The following ESR1 variants were observed in gnomAD, a reference collection of about 807,000 sequenced individuals.
ESR1 encodes estrogen receptor.
Under a neutral mutation model 52.7 loss-of-function variants are expected in ESR1, and 12 were observed. The ratio of observed to expected loss-of-function variants is 0.23; its 90% CI spans 0.15 to 0.37. ESR1 has a LOEUF of 0.37. ESR1 is among the 10% of genes least tolerant of loss of function. The pLI, the probability that ESR1 is intolerant of heterozygous loss-of-function variation, is 1.00. For synonymous variants in ESR1, 305 were observed against 316.8 expected, an observed-to-expected ratio of 0.96 and a Z score of 0.39; for missense variants, 584 against 779.7, an observed-to-expected ratio of 0.75 and a Z score of 2.99.
Position 152,008,102 on chromosome 6 carries a change from C to T in ESR1, c.1097-3554C>T, listed in dbSNP as rs377452447. ...AGGCATCTCATGGATATTTATTCCA[C>T]GCTGAAAAGGTAGTTAGATGCTGTG... On this transcript the variant is annotated intron_variant, in intron 4 of 7. Coordinates refer to ENST00000206249, the MANE Select transcript of ESR1 (RefSeq NM_000125.4). 7.2e-5 allele frequency among the ~76,000 whole-genome samples: 11 copies of T among 152,152 alleles called. 1 individual carries two copies. The South Asian group carries it at 1.2e-3, about 17-fold the overall frequency.
chr6:152,021,684 C>T (rs896851836), intron 5 of ESR1, among the ~76,000 whole-genome samples: 2 of 152,104 alleles, frequency 1.3e-5, no homozygotes, highest in Admixed American at 6.5e-5. Context: ...TATGGTTTGG[C>T]TGTGTCCTCA....
rs2047543189 is a variant in ESR1 at position 152,061,539 on chromosome 6, A to G, written c.1369+415A>G. Among the ~76,000 whole-genome samples, 2 of 152,308 alleles carry G rather than the reference A, an allele frequency of 1.3e-5. No individual in the cohort carries two copies. The highest frequency in any genetic ancestry group is 1.9e-4 in the East Asian group (1 of 5,194). On this transcript the variant is annotated intron_variant, in intron 6 of 7. Transcript: ENST00000206249. The surrounding 1 kb of genome is among the most constrained non-coding windows in gnomAD (Gnocchi z 4.3). ...GAAAGAGGGTTATTTGAGACAGACC[A>G]TGTTTCTGGTCAAAACTGACTAGCT...
chr6:151,674,375 G>A (rs941502294), intron 1 of ESR1, among the ~76,000 whole-genome samples: 1 of 152,112 alleles, frequency 6.6e-6, no homozygotes, highest in African/African-American at 2.4e-5. Context: ...TCTTTTTTAT[G>A]GTTGCATAGT....
chr6:152,024,497 A>G (rs2043955039), intron 5 of ESR1, among the ~76,000 whole-genome samples: 1 of 151,750 alleles, frequency 6.6e-6, no homozygotes, highest in African/African-American at 2.4e-5. Context: ...TTAAGTCTTC[A>G]TATCTAAGAC....
At chr6:151,980,107 G>A (rs987782064) in intron 4 of ESR1, among the ~76,000 whole-genome samples, 1 of 152,136 alleles carries the variant, frequency 6.6e-6, no homozygotes, top group Non-Finnish European at 1.5e-5. Flanking sequence ...TTTTCAAAAA[G>A]ATTCTTAGGG....
rs186836377 is a variant in ESR1 at position 151,778,474 on chromosome 6, C to T, written c.-70-29369C>T. On this transcript the variant is annotated intron_variant, in intron 2 of 2. Transcript: ENST00000404742. ...AGGCTGGATGGCGGTGGCATGATCT[C>T]GGCTCATTGCAACCTCCACCTCCCA... is the stretch of plus-strand genomic sequence containing the variant. Among the ~76,000 whole-genome samples, 56 of 150,294 alleles carry T rather than the reference C, an allele frequency of 3.7e-4. 1 individual carries two copies. Among genetic ancestry groups the T allele is most frequent in the Admixed American group, 2.4e-3 (36 of 15,086 alleles).
Position 152,083,287 on chromosome 6 carries a change from A to G in ESR1, c.1370-11098A>G, listed in dbSNP as rs1208669174. 3.9e-5 allele frequency among the ~76,000 whole-genome samples: 6 copies of G among 152,250 alleles called. No individual in the cohort carries two copies. The East Asian group carries it at 1.2e-3, about 29-fold the overall frequency. ...TAGATATATAGACTAATGGAACAGA[A>G]CAGAGGCCTCAGAAATGACACCACA... On this transcript the variant is annotated intron_variant, in intron 6 of 7. Transcript: ENST00000206249.
intron 1 of ESR1, chr6:151,809,262 A>G (rs747119812): frequency 7.4e-6 from 3 of 407,776 alleles, no homozygotes. Flanking sequence ...TTGTGACTTC[A>G]ATGGCGAAGG....
chr6:151,899,140 T>C (rs1584055052), intron 3 of ESR1, among the ~76,000 whole-genome samples: 1 of 118,290 alleles, frequency 8.5e-6, no homozygotes, highest in Non-Finnish European at 1.7e-5. Context: ...CCCCCCCGCC[T>C]CCCTCCCGGA....
At chr6:151,943,407 A>C (rs2035335153) in intron 3 of ESR1, among the ~76,000 whole-genome samples, 1 of 107,622 alleles carries the variant, frequency 9.3e-6, no homozygotes, top group East Asian at 2.4e-4. Flanking sequence ...AAACAAAAAC[A>C]AAAAAAAAAC....
intron 6 of ESR1, among the ~76,000 whole-genome samples, chr6:152,109,022 G>T (rs2051099892): frequency 6.6e-6 from 1 of 152,168 alleles, no homozygotes; most frequent in Non-Finnish European, 1.5e-5. Context: ...AGGTGAAGGG[G>T]AAGCAAGGAC....
intron 2 of ESR1, among the ~76,000 whole-genome samples, chr6:151,876,873 G>T (rs181854393): frequency 5.3e-4 from 80 of 152,050 alleles, no homozygotes; most frequent in African/African-American, 1.8e-3. Flanking sequence ...ATCACATCGT[G>T]GCTTTGGCCC....
chr6:151,698,906 C>T (rs1379927252), intron 1 of ESR1, among the ~76,000 whole-genome samples: 2 of 152,118 alleles, frequency 1.3e-5, no homozygotes, highest in Non-Finnish European at 2.9e-5. Context: ...TCCTCCGGAT[C>T]ACTCAATCTT....
chr6:152,025,505 G>T (rs940315142), intron 5 of ESR1, among the ~76,000 whole-genome samples: 47 of 151,508 alleles, frequency 3.1e-4, no homozygotes, highest in African/African-American at 1.1e-3. Context: ...ATTTCTTCTT[G>T]GTATTCCAAT....
Position 152,102,023 on chromosome 6 carries a change from C to A in ESR1, c.*3057C>A. On this transcript the variant is annotated 3_prime_UTR_variant, in exon 8 of 8. Coordinates refer to ENST00000206249, the MANE Select transcript of ESR1 (RefSeq NM_000125.4). ...TGCCGTAATGATTCTATAATGCCATCATGCAGCAATTATGAGAGGCTAGGT... is the reference window on the plus strand; with the variant it reads ...TGCCGTAATGATTCTATAATGCCATAATGCAGCAATTATGAGAGGCTAGGT... The A allele has an allele frequency of 9.3e-6, 2 of 215,250 alleles. No individual in the cohort carries two copies. The highest frequency in any genetic ancestry group is 6.9e-5 in the East Asian group (1 of 14,448). The allele number at this position is 215,250 out of a possible 1,614,324, so 13.3% of individuals were successfully genotyped here. A position where few individuals can be genotyped will look rare whatever the true frequency, so the allele number is the denominator to read the frequency against.
chr6:151,850,112 A>ATT lies in ESR1; in HGVS notation c.643+7325_643+7326insTT. 6.0e-3 allele frequency among the ~76,000 whole-genome samples: 5 copies of ATT among 830 alleles called. 1 individual carries two copies. The highest frequency in any genetic ancestry group is 0.071 in the East Asian group (1 of 14). 0.5% of individuals were successfully genotyped at this position (830 alleles called of 152,430 possible). A position where few individuals can be genotyped will look rare whatever the true frequency, so the allele number is the denominator to read the frequency against. On this transcript the variant is annotated intron_variant, in intron 2 of 7. Coordinates refer to ENST00000206249, the MANE Select transcript of ESR1 (RefSeq NM_000125.4). Reference sequence around the variant, plus strand: ...TATATAATTTTATATATATATACAAAATTATATATATATGTCTGGTACAGG... The same window carrying ATT: ...TATATAATTTTATATATATATACAAATTATTATATATATATGTCTGGTACAGG...
rs1327222383 is a variant in ESR1, at chr6:152,100,061, T to C, written c.*1095T>C. Reference sequence around the variant, plus strand: ...GTAGGGCAGAAACTGGATACAGTTCTGAGGCACAGCCAGACTTGCTCAGGG... The same window carrying C: ...GTAGGGCAGAAACTGGATACAGTTCCGAGGCACAGCCAGACTTGCTCAGGG... On this transcript the variant is annotated 3_prime_UTR_variant, in exon 8 of 8. Coordinates refer to ENST00000206249, the MANE Select transcript of ESR1 (RefSeq NM_000125.4). 2.5e-6 allele frequency: 1 copy of C among 398,864 alleles called. No homozygotes were observed. The highest frequency in any genetic ancestry group is 2.1e-5 in the African/African-American group (1 of 48,660). 24.7% of individuals were successfully genotyped at this position (398,864 alleles called of 1,614,324 possible). A position where few individuals can be genotyped will look rare whatever the true frequency, so the allele number is the denominator to read the frequency against.
At chr6:152,122,189 A>C in intron 6 of ESR1, 1 of 569,308 alleles carries the variant, frequency 1.8e-6, no homozygotes, top group South Asian at 2.0e-5. Context: ...CAATCTCCTT[A>C]GTGCTAAGGT....
intron 2 of ESR1, among the ~76,000 whole-genome samples, chr6:151,764,510 G>A (rs1480167883): frequency 6.6e-6 from 1 of 152,126 alleles, no homozygotes; most frequent in African/African-American, 2.4e-5. Context: ...GCTGAGCGCA[G>A]GGAGTCAGTC....
Sources: gnomAD v4.1 joint callset for allele counts (sites outside exome capture counted in the v4.1 genomes callset) on GRCh38, gnomAD v4.1.1 for gene constraint, Gnocchi (gnomAD v3.1) non-coding constraint, MANE v1.5 for transcripts, NCBI Gene and HGNC (gene_info 2026-07-23, HGNC 2026-07-21) for gene names.